The following LRRC56 variants were observed in gnomAD, a reference collection of about 807,000 sequenced individuals.
LRRC56 encodes the protein leucine-rich repeat-containing protein 56.
In LRRC56, 41 loss-of-function variants were observed where a neutral mutation model predicts 47.8. The ratio of observed to expected loss-of-function variants is 0.86; its 90% confidence interval spans 0.67 to 1.11. The LOEUF (loss-of-function observed/expected upper bound fraction) is 1.11. Among genes scored for constraint, LRRC56 ranks in the 50% most tolerant of loss-of-function variants. The pLI is 0.00. For missense variants in LRRC56, 759 were observed against 704.2 expected (o/e 1.08, Z -0.88); for synonymous variants, 387 against 311.2 (o/e 1.24, Z -2.56).
At position 541,703 on chromosome 11, in the gene LRRC56, C is replaced by T. The variant is rs113318656; in HGVS notation, c.265+79C>T. On this transcript the variant is annotated intron_variant, in intron 5 of 13. Transcript: ENST00000270115. The surrounding 1 kb of genome is among the most constrained non-coding windows in gnomAD (Gnocchi z 4.1). ...AACAACACACGTTTCCTGGTTATGA[C>T]GACAAAGCTGTCCTCACCTCTCGGG... 2.0e-4 allele frequency: 189 copies of T among 931,112 alleles called. 3 individuals are homozygous for T. The African/African-American group carries it at 2.7e-3, about 13-fold the overall frequency. 57.7% of individuals were successfully genotyped at this position (931,112 alleles called of 1,614,324 possible). A position where few individuals can be genotyped will look rare whatever the true frequency, so the allele number is the denominator to read the frequency against.
intron 5 of LRRC56, among the ~76,000 whole-genome samples, chr11:543,379 T>G (rs543108917): frequency 6.7e-5 from 10 of 150,262 alleles, no homozygotes; most frequent in African/African-American, 2.5e-4. Context: ...CACGCCCGAG[T>G]AATTTTTGTA....
At position 538,733 on chromosome 11, in the gene LRRC56, G is replaced by T. The variant is rs544328945; in HGVS notation, c.-286G>T. On this transcript the variant is annotated 5_prime_UTR_variant, in exon 2 of 14. Transcript: ENST00000270115. ...GCTACATGTGCATCTGCCTGTTCAC[G>T]GATTCCTTCGACAAATATTTGAGCA... The T allele has an allele frequency of 6.6e-6, 1 of 152,288 alleles. No individual in the cohort carries two copies. The highest frequency in any genetic ancestry group is 1.5e-5 in the Non-Finnish European group (1 of 68,080). The allele number at this position is 152,288 out of a possible 1,614,324, so 9.4% of individuals were successfully genotyped here.
At position 551,984 on chromosome 11, in the gene LRRC56, C is replaced by A; in HGVS notation, c.1038+17C>A. ...CAGTGCCAGGTACAGCCCACAGGGA[C>A]CAGCCCCCCACGAGAACCAGTGTCC... On this transcript the variant is annotated intron_variant, in intron 11 of 13. Coordinates refer to ENST00000270115, the MANE Select transcript of LRRC56 (RefSeq NM_198075.4). 1 of 1,612,290 alleles carries A rather than the reference C, an allele frequency of 6.2e-7. No individual in the cohort carries two copies. The highest frequency in any genetic ancestry group is 1.1e-5 in the South Asian group (1 of 91,064).
chr11:533,281 C>A (rs1226835781), upstream of LRRC56: 1 of 1,589,626 alleles, frequency 6.3e-7, no homozygotes, highest in African/African-American at 1.3e-5. Context: ...ACTTACAGCG[C>A]GAGGGGCCGC....
upstream of LRRC56, chr11:534,239 A>G (rs915086641): frequency 3.7e-6 from 6 of 1,613,526 alleles, no homozygotes; most frequent in African/African-American, 8.0e-5. Context: ...ATTCGTCCAC[A>G]AAATGGTTCT....
At chr11:553,870 C>T in intron 13 of LRRC56, 93 bp from the exon 14 acceptor site, 1 of 1,155,650 alleles carries the variant, frequency 8.7e-7, no homozygotes. Flanking sequence ...TGCCTCGGGG[C>T]TGCAGGGCCA....
upstream of LRRC56, chr11:533,252 T>C (rs2133984720): frequency 6.4e-7 from 1 of 1,551,540 alleles, no homozygotes; most frequent in Non-Finnish European, 8.7e-7. Context: ...CCTCCCTCAC[T>C]GCCCTGCCGT....
chr11:541,720 C>T lies in LRRC56; in HGVS notation c.265+96C>T. ...GGTTATGACGACAAAGCTGTCCTCA[C>T]CTCTCGGGCCGCGTATCGGCTTCCT... On this transcript the variant is annotated intron_variant, in intron 5 of 13. Transcript: ENST00000270115. This position sits in a 1 kb window ranked among gnomAD's most constrained non-coding sequence, Gnocchi z 4.1. The T allele has an allele frequency of 1.3e-6, 1 of 763,782 alleles. No homozygotes were observed. Among genetic ancestry groups the T allele is most frequent in the African/African-American group, 1.8e-5 (1 of 55,294 alleles). 47.3% of individuals were successfully genotyped at this position (763,782 alleles called of 1,614,324 possible). A position where few individuals can be genotyped will look rare whatever the true frequency, so the allele number is the denominator to read the frequency against.
chr11:518,381 T>C, the LRRC56 span, among the ~76,000 whole-genome samples: 1 of 152,054 alleles, frequency 6.6e-6, no homozygotes. Context: ...CGGGGTTTCA[T>C]GGTGTTAGCC....
At chr11:513,314 G>T in the LRRC56 span, among the ~76,000 whole-genome samples, 1 of 152,064 alleles carries the variant, frequency 6.6e-6, no homozygotes, top group African/African-American at 2.4e-5. Flanking sequence ...CACCATGCCC[G>T]GCTAATTTTT....
chr11:518,962 T>C, the LRRC56 span, among the ~76,000 whole-genome samples: 1 of 150,744 alleles, frequency 6.6e-6, no homozygotes, highest in Admixed American at 6.6e-5. Context: ...CGAGGGGAAC[T>C]TGCGGCCCCA....
Position 541,343 on chromosome 11 carries a change from C to G in LRRC56, c.178-194C>G, listed in dbSNP as rs1302518778. Among the ~76,000 whole-genome samples, 1 of 152,202 alleles carries G rather than the reference C, an allele frequency of 6.6e-6. No homozygotes were observed. Among genetic ancestry groups the G allele is most frequent in the Non-Finnish European group, 1.5e-5 (1 of 68,028 alleles). On this transcript the variant is annotated intron_variant, in intron 4 of 13. Coordinates refer to ENST00000270115, the MANE Select transcript of LRRC56 (RefSeq NM_198075.4). The surrounding 1 kb of genome is among the most constrained non-coding windows in gnomAD (Gnocchi z 4.1). ...TCCTTCTCCCGCAATGACCCCCCAG[C>G]CAAGTGCAGCACAAGCTCTGCTCCT...
At chr11:553,181 A>G (rs1015486132) in intron 13 of LRRC56, among the ~76,000 whole-genome samples, 22 of 152,188 alleles carry the variant, frequency 1.4e-4, no homozygotes, top group African/African-American at 5.1e-4. Flanking sequence ...ACTTGGGGAC[A>G]TAGAATTAAG....
chr11:525,346 T>C, the LRRC56 span, among the ~76,000 whole-genome samples: 137 of 152,108 alleles, frequency 9.0e-4, 1 homozygote, highest in Middle Eastern at 3.4e-3. Flanking sequence ...GAGACCATCC[T>C]GGCTAACACG....
intron 13 of LRRC56, among the ~76,000 whole-genome samples, chr11:553,334 T>C (rs1437527386): frequency 1.3e-5 from 2 of 151,986 alleles, no homozygotes; most frequent in Non-Finnish European, 2.9e-5. Flanking sequence ...CTGACCCTCC[T>C]CTGTGCAGGA....
intron 6 of LRRC56, among the ~76,000 whole-genome samples, chr11:547,236 A>C (rs116196851): frequency 0.016 from 2,415 of 151,960 alleles, 62 homozygotes; most frequent in African/African-American, 0.055. Context: ...CGTCTCAAAA[A>C]ACCGTAAAAA....
the LRRC56 span, among the ~76,000 whole-genome samples, chr11:511,088 G>A: frequency 1.1e-4 from 17 of 152,184 alleles, no homozygotes; most frequent in Middle Eastern, 3.4e-3. Context: ...TTGGGAGGCC[G>A]AGGCGGGCGG....
chr11:551,311 G>A lies in LRRC56; in HGVS notation c.796+9G>A, dbSNP rs765591956. The A allele has an allele frequency of 1.0e-5, 15 of 1,499,024 alleles. No individual in the cohort carries two copies. In the South Asian group the frequency reaches 1.9e-4, roughly 19 times the overall value. 92.9% of individuals were successfully genotyped at this position (1,499,024 alleles called of 1,614,324 possible). On this transcript the variant is annotated intron_variant, in intron 9 of 13. Transcript: ENST00000270115. ...CGGCCTTCCCCCGCTGGGTACGGCAGCTGCGCCCGGAGGACCCACTGCTGA... is the reference window on the plus strand; with the variant it reads ...CGGCCTTCCCCCGCTGGGTACGGCAACTGCGCCCGGAGGACCCACTGCTGA...
the LRRC56 span, among the ~76,000 whole-genome samples, chr11:511,297 G>T: frequency 4.0e-5 from 6 of 151,004 alleles, no homozygotes; most frequent in African/African-American, 9.8e-5. Context: ...CTCCAGCCTG[G>T]GCGACAGAGC....
Sources: allele counts gnomAD v4.1 joint callset (sites outside exome capture counted in the v4.1 genomes callset), GRCh38; gene constraint gnomAD v4.1.1; non-coding constraint Gnocchi (gnomAD v3.1); transcripts MANE v1.5; gene names NCBI Gene and HGNC (gene_info 2026-07-23, HGNC 2026-07-21).